COL4A4: variants seen among roughly 807,000 people sequenced by gnomAD.
COL4A4 encodes collagen alpha-4(IV) chain.
COL4A4 carries 105 observed loss-of-function variants against 192.9 expected under a neutral mutation model. The observed-to-expected ratio is 0.54, with a 90% CI of 0.46 to 0.64. COL4A4 has a LOEUF of 0.64. Ranked by LOEUF, COL4A4 falls within the 30% of genes least tolerant of loss-of-function variation. The pLI, the probability that COL4A4 is intolerant of heterozygous loss-of-function variation, is 0.00. For missense variants in COL4A4, 1,967 were observed against 2,169.3 expected (o/e 0.91, Z 1.85); for synonymous variants, 762 against 769.9 (o/e 0.99, Z 0.17).
At chr2:227,057,724 G>A in intron 28 of COL4A4, 124 bp from the exon 29 acceptor site, 1 of 1,037,486 alleles carries the variant, frequency 9.6e-7, no homozygotes, top group Non-Finnish European at 1.5e-6. Context: ...TGTTCAAATG[G>A]GTTAAGTCTT....
chr2:227,099,766 A>G, intron 17 of COL4A4, 77 bp from the exon 18 acceptor site: 1 of 1,232,514 alleles, frequency 8.1e-7, no homozygotes. Flanking sequence ...CCAGTATTAG[A>G]ACGATCATGT....
rs140116471 is a variant in COL4A4, at chr2:227,124,320, A to G, written c.193-3172T>C. Among the ~76,000 whole-genome samples, 130 of 152,352 alleles carry G rather than the reference A, an allele frequency of 8.5e-4. 1 individual carries two copies. Among genetic ancestry groups the G allele is most frequent in the Admixed American group, 1.3e-3 (20 of 15,312 alleles). ...AAAAGCAATGGCAAAGACCGCAATT[A>G]CTTCTTCACCAACCTCATACTTTGT... On this transcript the variant is annotated intron_variant, in intron 4 of 47. Transcript: ENST00000396625.
At chr2:227,049,920 T>G in intron 34 of COL4A4, 148 bp downstream of exon 34, 1 of 744,144 alleles carries the variant, frequency 1.3e-6, no homozygotes, top group East Asian at 2.6e-5. Flanking sequence ...ATTTGGATCT[T>G]GAGTGTTTGA....
chr2:226,980,601 C>T, the COL4A4 span, among the ~76,000 whole-genome samples: 1 of 152,186 alleles, frequency 6.6e-6, no homozygotes, highest in Admixed American at 6.5e-5. Context: ...TACACAGTCT[C>T]CCATCCACAC....
At chr2:227,017,627 G>T (rs555197859) in intron 44 of COL4A4, among the ~76,000 whole-genome samples, 42 of 152,318 alleles carry the variant, frequency 2.8e-4, no homozygotes, top group African/African-American at 1.0e-3. Flanking sequence ...AGATCTGTGT[G>T]TAGAAGAGCA....
intron 37 of COL4A4, among the ~76,000 whole-genome samples, chr2:227,037,706 G>A (rs1969960162): frequency 6.6e-6 from 1 of 152,176 alleles, no homozygotes; most frequent in Admixed American, 6.5e-5. Flanking sequence ...CCCACCAACA[G>A]TGTAAAAGCA....
chr2:227,119,745 T>C lies in COL4A4; in HGVS notation c.372+150A>G, dbSNP rs180868188. 5.5e-5 allele frequency: 17 copies of C among 307,688 alleles called. No homozygotes were observed. In the Admixed American group the frequency reaches 7.2e-4, roughly 13 times the overall value. The allele number at this position is 307,688 out of a possible 1,614,324, so 19.1% of individuals were successfully genotyped here. On this transcript the variant is annotated intron_variant, in intron 6 of 47. Transcript: ENST00000396625. ...AGATATATATATATTACGTTGCTTGTGGTATATATAGCAAATATTTGCTAT... is the reference window on the plus strand; with the variant it reads ...AGATATATATATATTACGTTGCTTGCGGTATATATAGCAAATATTTGCTAT...
intron 43 of COL4A4, chr2:227,022,636 T>C (rs1423806879): frequency 2.0e-6 from 1 of 492,356 alleles, no homozygotes; most frequent in Non-Finnish European, 4.2e-6. Context: ...TTCCATAGTG[T>C]CAGTCACTAA....
chr2:227,047,663 G>C, intron 34 of COL4A4, 114 bp from the exon 35 acceptor site: 1 of 710,146 alleles, frequency 1.4e-6, no homozygotes, highest in Non-Finnish European at 2.5e-6. Context: ...TTTTAGGAGA[G>C]TGTTTTTAAA....
Position 227,078,006 on chromosome 2 carries a change from TC to T in COL4A4, c.1874del (p.Gly625AspfsTer28). 1 of 1,613,948 alleles carries T rather than the reference TC, an allele frequency of 6.2e-7. No homozygotes were observed. Among genetic ancestry groups the T allele is most frequent in the Non-Finnish European group, 8.5e-7 (1 of 1,179,984 alleles). On this transcript the variant is annotated frameshift_variant, in exon 25 of 48. Coordinates refer to ENST00000396625, the MANE Select transcript of COL4A4 (RefSeq NM_000092.5). LOFTEE classifies it high-confidence loss of function. The part of the protein sequence containing the change: ...PGPLGPPGKA[G>X]PVGPPGLGFP... ...ATCCCAGTCCTGGGGGCCCCACAGG[TC>T]CTGCTTTGCCTGGGGGGCCCAGAGG...
intron 3 of COL4A4, among the ~76,000 whole-genome samples, chr2:227,140,875 T>TCTCA (rs1491252113): frequency 1.9e-4 from 27 of 139,842 alleles, no homozygotes; most frequent in African/African-American, 6.7e-4. Context: ...CTTTAGAGCA[T>TCTCA]CACACACACA....
chr2:227,053,547 TTTTTTTTTTTTTTTTTTG>T lies in COL4A4; in HGVS notation c.2860+1029_2860+1046del, dbSNP rs1476196659. Among the ~76,000 whole-genome samples the T allele has an allele frequency of 1.5e-4, 7 of 45,532 alleles. No homozygotes were observed. The Admixed American group carries it at 1.5e-3, about 10-fold the overall frequency. 29.9% of individuals were successfully genotyped at this position (45,532 alleles called of 152,430 possible). A position where few individuals can be genotyped will look rare whatever the true frequency, so the allele number is the denominator to read the frequency against. ...AGAAAACATTTTTTTCTTTTTCTTTTTTTTTTTTTTTTTTTTTGGAGACAGAATCTCACTCTGTCACCC... is the reference window on the plus strand; with the variant it reads ...AGAAAACATTTTTTTCTTTTTCTTTTGAGACAGAATCTCACTCTGTCACCC... On this transcript the variant is annotated intron_variant, in intron 31 of 47. Transcript: ENST00000396625.
intron 1 of COL4A4, among the ~76,000 whole-genome samples, chr2:227,163,626 A>G (rs1360631145): frequency 6.6e-6 from 1 of 152,218 alleles, no homozygotes; most frequent in African/African-American, 2.4e-5. Flanking sequence ...CCCCAGGAAG[A>G]GCGCACCCTG....
intron 1 of COL4A4, among the ~76,000 whole-genome samples, chr2:227,158,943 C>A (rs2064577276): frequency 6.6e-6 from 1 of 152,146 alleles, no homozygotes; most frequent in Admixed American, 6.5e-5. Context: ...TATGACCTAA[C>A]CATTTCATTC....
chr2:226,968,722 T>G, the COL4A4 span, among the ~76,000 whole-genome samples: 2 of 152,196 alleles, frequency 1.3e-5, no homozygotes, highest in African/African-American at 4.8e-5. Context: ...GCAGTTGGCA[T>G]TCTAGAGGGG....
the COL4A4 span, among the ~76,000 whole-genome samples, chr2:226,979,086 C>T: frequency 1.3e-5 from 2 of 152,096 alleles, no homozygotes; most frequent in East Asian, 1.9e-4. Flanking sequence ...AGAAGCTATT[C>T]GTGTGGCTCA....
At chr2:226,990,850 A>G in the COL4A4 span, among the ~76,000 whole-genome samples, 1 of 152,146 alleles carries the variant, frequency 6.6e-6, no homozygotes, top group African/African-American at 2.4e-5. Context: ...TCCATTGACA[A>G]AAACACAGAG....
At chr2:227,099,516 G>A (rs1306469414) in intron 18 of COL4A4, 104 bp downstream of exon 18, 1 of 1,024,322 alleles carries the variant, frequency 9.8e-7, no homozygotes, top group East Asian at 2.4e-5. Context: ...CATTCAGCCT[G>A]CCTAGTGTGC....
the COL4A4 span, among the ~76,000 whole-genome samples, chr2:226,980,711 G>A: frequency 2.6e-5 from 4 of 152,108 alleles, no homozygotes; most frequent in African/African-American, 9.7e-5. Context: ...TACTTCCAAT[G>A]AAGTTCAGAG....
Sources: gnomAD v4.1 joint callset for allele counts (sites outside exome capture counted in the v4.1 genomes callset) on GRCh38, gnomAD v4.1.1 for gene constraint, MANE v1.5 for transcripts, NCBI Gene and HGNC (gene_info 2026-07-23, HGNC 2026-07-21) for gene names.